The following DCC variants were observed in gnomAD, a reference collection of about 807,000 sequenced individuals.
The protein encoded by DCC is netrin receptor DCC.
Under a neutral mutation model 172.5 loss-of-function variants are expected in DCC, and 58 were observed. The ratio of observed to expected loss-of-function variants is 0.34; its 90% CI spans 0.27 to 0.42. The LOEUF is 0.42. Ranked by LOEUF, DCC falls within the 10% of genes least tolerant of loss-of-function variation. DCC has a pLI of 1.00. For synonymous variants in DCC, 709 were observed against 644.5 expected, an observed-to-expected ratio of 1.10 and a Z score of -1.52; for missense variants, 1,740 against 1,791.0, an observed-to-expected ratio of 0.97 and a Z score of 0.51.
chr18:52,486,114 C>A (rs2030206726), intron 1 of DCC, among the ~76,000 whole-genome samples: 1 of 152,074 alleles, frequency 6.6e-6, no homozygotes, highest in African/African-American at 2.4e-5. Flanking sequence ...CCCACCGCAG[C>A]CTCCTGAGTA....
At chr18:52,852,296 G>A (rs565105606) in intron 2 of DCC, among the ~76,000 whole-genome samples, 1 of 152,016 alleles carries the variant, frequency 6.6e-6, no homozygotes, top group African/African-American at 2.4e-5. Context: ...TACTTTTTAA[G>A]GGTGGCCTGT....
At chr18:52,684,350 C>A (rs953813994) in intron 1 of DCC, among the ~76,000 whole-genome samples, 11 of 150,132 alleles carry the variant, frequency 7.3e-5, no homozygotes, top group African/African-American at 2.7e-4. Flanking sequence ...CAATTAAAAT[C>A]TTTCATTATG....
chr18:53,429,692 T>C (rs1911483239), intron 21 of DCC, among the ~76,000 whole-genome samples: 1 of 152,074 alleles, frequency 6.6e-6, no homozygotes, highest in Admixed American at 6.6e-5. Flanking sequence ...ATTATTGCCC[T>C]TAGACTTTCC....
intron 1 of DCC, among the ~76,000 whole-genome samples, chr18:52,519,774 C>A (rs1022527326): frequency 2.0e-5 from 3 of 152,174 alleles, no homozygotes; most frequent in Admixed American, 6.5e-5. Flanking sequence ...TGACATCTGG[C>A]TAATTGCCAT....
chr18:53,387,622 G>A (rs900782923), intron 16 of DCC, among the ~76,000 whole-genome samples: 5 of 152,194 alleles, frequency 3.3e-5, no homozygotes, highest in Non-Finnish European at 7.3e-5. Context: ...ACAGATGGGT[G>A]TCTGGGATTT....
intron 24 of DCC, among the ~76,000 whole-genome samples, chr18:53,460,740 T>C (rs1437282548): frequency 6.6e-6 from 1 of 152,184 alleles, no homozygotes; most frequent in Non-Finnish European, 1.5e-5. Context: ...TCAATAAACA[T>C]ACGTGTGCAT....
chr18:52,538,698 G>A lies in DCC; in HGVS notation c.91+197820G>A, dbSNP rs940146009. 6.6e-5 allele frequency among the ~76,000 whole-genome samples: 10 copies of A among 152,284 alleles called. 1 individual carries two copies. In the Middle Eastern group the frequency reaches 0.01, roughly 155 times the overall value. On this transcript the variant is annotated intron_variant, in intron 1 of 28. Transcript: ENST00000442544. ...TGCTATCCTAACACCTCTTCAGAGA[G>A]CTGTGTCCCTACTACAGTGTCCTGC... is the stretch of plus-strand genomic sequence containing the variant.
At chr18:52,952,710 C>T (rs2040671347) in intron 5 of DCC, among the ~76,000 whole-genome samples, 1 of 151,960 alleles carries the variant, frequency 6.6e-6, no homozygotes, top group South Asian at 2.1e-4. Flanking sequence ...TATTTAAATC[C>T]TATAATAGGC....
intron 2 of DCC, among the ~76,000 whole-genome samples, chr18:52,763,252 A>T (rs973276451): frequency 6.6e-6 from 1 of 152,256 alleles, no homozygotes; most frequent in African/African-American, 2.4e-5. Flanking sequence ...TTAAGAAAGT[A>T]TGTTAAAGAT....
chr18:52,485,158 C>T (rs548374464), intron 1 of DCC, among the ~76,000 whole-genome samples: 104 of 152,126 alleles, frequency 6.8e-4, no homozygotes, highest in Non-Finnish European at 1.1e-3. Flanking sequence ...CTGTAGTTCT[C>T]GAACTGGACT....
chr18:53,268,961 C>G (rs933765643), intron 12 of DCC, among the ~76,000 whole-genome samples: 3 of 151,984 alleles, frequency 2.0e-5, no homozygotes, highest in Non-Finnish European at 2.9e-5. Flanking sequence ...GTCATTTACA[C>G]TAGAAATGTG....
chr18:53,096,436 G>T (rs909910635), intron 7 of DCC, among the ~76,000 whole-genome samples: 2 of 152,146 alleles, frequency 1.3e-5, no homozygotes, highest in East Asian at 3.9e-4. Flanking sequence ...CAACTGCGTG[G>T]TCAGATCTCT....
rs373189577 is a variant in DCC, at chr18:53,061,201, C to A, written c.986-2104C>A. Among the ~76,000 whole-genome samples, 4 of 152,030 alleles carry A rather than the reference C, an allele frequency of 2.6e-5. No homozygotes were observed. The East Asian group carries it at 5.8e-4, about 22-fold the overall frequency. On this transcript the variant is annotated intron_variant, in intron 5 of 28. Coordinates refer to ENST00000442544, the MANE Select transcript of DCC (RefSeq NM_005215.4). ...GAGAGAAGGACTTGAGATTTAAATC[C>A]AGCCCAATCTGGCTCCATTATTTGG... is the stretch of plus-strand genomic sequence containing the variant.
chr18:53,321,217 T>A (rs2057408380), intron 13 of DCC, among the ~76,000 whole-genome samples: 1 of 152,212 alleles, frequency 6.6e-6, no homozygotes, highest in Non-Finnish European at 1.5e-5. Context: ...TACATTTTTA[T>A]CTTTATCAGC....
chr18:52,642,014 GTATATATATATATATATA>G lies in DCC; in HGVS notation c.92-110025_92-110008del, dbSNP rs1193018662. Among the ~76,000 whole-genome samples, 23 of 34,526 alleles carry G rather than the reference GTATATATATATATATATA, an allele frequency of 6.7e-4. 1 individual carries two copies. The highest frequency in any genetic ancestry group is 4.1e-3 in the Admixed American group (16 of 3,884). 22.7% of individuals were successfully genotyped at this position (34,526 alleles called of 152,430 possible). ...GATAAAGAAACTGTGGTGTGTGTGT[GTATATATATATATATATA>G]TATATATATATATACTGTGGTGTGT... On this transcript the variant is annotated intron_variant, in intron 1 of 28. Transcript: ENST00000442544.
chr18:53,424,706 C>T (rs1276499097), intron 21 of DCC, among the ~76,000 whole-genome samples: 1 of 152,110 alleles, frequency 6.6e-6, no homozygotes, highest in Non-Finnish European at 1.5e-5. Flanking sequence ...AGCCAAGATG[C>T]TGGGAAAATA....
At chr18:53,237,603 C>T (rs1170991495) in intron 12 of DCC, among the ~76,000 whole-genome samples, 3 of 152,090 alleles carry the variant, frequency 2.0e-5, no homozygotes, top group Non-Finnish European at 2.9e-5. Context: ...AGTTGTCACA[C>T]TGACTAAACA....
At chr18:53,095,777 T>C (rs1434341752) in intron 7 of DCC, among the ~76,000 whole-genome samples, 1 of 149,300 alleles carries the variant, frequency 6.7e-6, no homozygotes, top group African/African-American at 2.5e-5. Flanking sequence ...TTTCTAGGGA[T>C]TGGGATATGG....
intron 13 of DCC, among the ~76,000 whole-genome samples, chr18:53,314,984 CTT>C (rs2057326449): frequency 1.3e-5 from 2 of 152,028 alleles, no homozygotes; most frequent in Admixed American, 6.6e-5. Flanking sequence ...ATTATTATAA[CTT>C]AAGTTCTGGA....
Sources: gnomAD v4.1 joint callset for allele counts (sites outside exome capture counted in the v4.1 genomes callset) on GRCh38, gnomAD v4.1.1 for gene constraint, MANE v1.5 for transcripts, NCBI Gene and HGNC (gene_info 2026-07-23, HGNC 2026-07-21) for gene names.